Variants in CRYM observed in about 807,000 individuals in gnomAD.
CRYM encodes the protein ketimine reductase mu-crystallin.
Under a neutral mutation model 32.9 loss-of-function variants are expected in CRYM, and 18 were observed. The ratio of observed to expected loss-of-function variants is 0.55; its 90% confidence interval spans 0.38 to 0.81. The LOEUF is 0.81. CRYM is among the 30% of genes least tolerant of loss of function. The probability of loss-of-function intolerance (pLI) is 0.00; values close to 1 mark genes in which losing one functional copy is unlikely to be tolerated. For synonymous variants in CRYM, 153 were observed against 152.4 expected (o/e 1.00, Z -0.03); for missense variants, 337 against 393.5 (o/e 0.86, Z 1.21).
chr16:21,300,988 C>A (rs1960906725), intron 1 of CRYM: 1 of 143,464 alleles, frequency 7.0e-6, no homozygotes, highest in African/African-American at 2.6e-5. Context: ...GCGTCCCACG[C>A]GCAGAACCGT....
intron 1 of CRYM, among the ~76,000 whole-genome samples, chr16:21,297,391 C>CT (rs1960810849): frequency 6.6e-6 from 1 of 151,768 alleles, no homozygotes; most frequent in African/African-American, 2.4e-5. Context: ...AAAACTCCAT[C>CT]TAAAAAAAAG....
At chr16:21,271,511 GAATT>G (rs1858001403) in intron 3 of CRYM, among the ~76,000 whole-genome samples, 1 of 152,092 alleles carries the variant, frequency 6.6e-6, no homozygotes, top group Non-Finnish European at 1.5e-5. Context: ...GAAATATTAG[GAATT>G]AATTTTATCT....
intron 4 of CRYM, 47 bp from the exon 5 acceptor site, chr16:21,267,784 C>T (rs762278803): frequency 3.1e-6 from 5 of 1,602,608 alleles, no homozygotes; most frequent in Admixed American, 3.3e-5. Flanking sequence ...TTTTTGGCTG[C>T]TTATGTTACA....
Position 21,269,770 on chromosome 16 carries a change from A to ACC in CRYM, c.489+18_489+19dup. On this transcript the variant is annotated intron_variant, in intron 4 of 7. Coordinates refer to ENST00000572914, the MANE Select transcript of CRYM (RefSeq NM_001376256.1). ...ACCACCCCCTTCCCTCTTCTCTCCCACCCCCACCCCTGGACTTACCTCCTT... is the reference window on the plus strand; with the variant it reads ...ACCACCCCCTTCCCTCTTCTCTCCCACCCCCCCACCCCTGGACTTACCTCCTT... 3.1e-5 allele frequency: 13 copies of ACC among 421,326 alleles called. No homozygotes were observed. The highest frequency in any genetic ancestry group is 8.9e-5 in the East Asian group (2 of 22,510). The allele number at this position is 421,326 out of a possible 1,614,324, so 26.1% of individuals were successfully genotyped here.
At chr16:21,290,379 C>T (rs1453138151) in intron 1 of CRYM, among the ~76,000 whole-genome samples, 2 of 152,132 alleles carry the variant, frequency 1.3e-5, no homozygotes, top group East Asian at 3.9e-4. Flanking sequence ...AGGTCTGCAG[C>T]TTCTCTCCTG....
At position 21,259,453 on chromosome 16, in the gene CRYM, T is replaced by C. The variant is rs948848941; in HGVS notation, c.881-608A>G. 2.6e-5 allele frequency among the ~76,000 whole-genome samples: 4 copies of C among 152,228 alleles called. No homozygotes were observed. In the South Asian group the frequency reaches 8.3e-4, roughly 32 times the overall value. On this transcript the variant is annotated intron_variant, in intron 7 of 7. Coordinates refer to ENST00000572914, the MANE Select transcript of CRYM (RefSeq NM_001376256.1). Reference sequence around the variant, plus strand: ...GGTCAGACAGTAAATCCTTTAGGCTTTGTGGGCCACAGGGTCTCTATTACA... The same window carrying C: ...GGTCAGACAGTAAATCCTTTAGGCTCTGTGGGCCACAGGGTCTCTATTACA...
At chr16:21,261,447 TAAAAAAAA>T (rs5816151) in intron 6 of CRYM, 109 bp from the exon 7 acceptor site, 110 of 596,118 alleles carry the variant, frequency 1.8e-4, no homozygotes, top group South Asian at 2.3e-4. Flanking sequence ...TAAATTTGAT[TAAAAAAAA>T]AAAAAAAAAG....
At chr16:21,264,190 A>G (rs748146283) in intron 5 of CRYM, among the ~76,000 whole-genome samples, 1 of 152,170 alleles carries the variant, frequency 6.6e-6, no homozygotes, top group Non-Finnish European at 1.5e-5. Flanking sequence ...AAAAATGTCC[A>G]TCTTGAAGGT....
upstream of CRYM, chr16:21,278,319 A>G (rs2093391912): frequency 7.9e-6 from 12 of 1,526,998 alleles, no homozygotes; most frequent in Non-Finnish European, 1.1e-5. Context: ...TGTGCCCTTT[A>G]TGAGCGCGCC....
chr16:21,276,141 G>A (rs1314708186), intron 2 of CRYM, among the ~76,000 whole-genome samples: 1 of 152,162 alleles, frequency 6.6e-6, no homozygotes, highest in African/African-American at 2.4e-5. Context: ...CACAGCGAAG[G>A]TTGAAAATTA....
At chr16:21,280,626 T>A (rs2093396437), upstream of CRYM, among the ~76,000 whole-genome samples, 1 of 152,178 alleles carries the variant, frequency 6.6e-6, no homozygotes, top group Non-Finnish European at 1.5e-5. Flanking sequence ...GGCAATACGA[T>A]AACAAATTAT....
At chr16:21,293,185 A>G (rs964720702) in intron 1 of CRYM, among the ~76,000 whole-genome samples, 1 of 152,204 alleles carries the variant, frequency 6.6e-6, no homozygotes, top group Non-Finnish European at 1.5e-5. Flanking sequence ...TAACCTGTAA[A>G]AGCTTGTGAT....
At chr16:21,268,362 C>A (rs1400623734) in intron 4 of CRYM, among the ~76,000 whole-genome samples, 2 of 152,076 alleles carry the variant, frequency 1.3e-5, no homozygotes, top group Non-Finnish European at 2.9e-5. Context: ...ATGAAAAGGC[C>A]AAGAATGGTA....
intron 3 of CRYM, 95 bp downstream of exon 3, chr16:21,275,437 A>G (rs891860127): frequency 7.0e-6 from 8 of 1,137,684 alleles, no homozygotes; most frequent in Non-Finnish European, 9.3e-6. Context: ...GGAAACCAAA[A>G]TAAGTTCCCC....
chr16:21,277,353 C>A lies in CRYM; in HGVS notation c.324+78G>T. 6.6e-7 allele frequency: 1 copy of A among 1,513,558 alleles called. No homozygotes were observed. Among genetic ancestry groups the A allele is most frequent in the African/African-American group, 1.4e-5 (1 of 73,118 alleles). The allele number at this position is 1,513,558 out of a possible 1,614,324, so 93.8% of individuals were successfully genotyped here. A position where few individuals can be genotyped will look rare whatever the true frequency, so the allele number is the denominator to read the frequency against. ...CGCGTAGTCACAATCAAGACTCCCC[C>A]TGCTGCGGAGAACTTACTTTTGAGC... On this transcript the variant is annotated intron_variant, in intron 2 of 7. Coordinates refer to ENST00000572914, the MANE Select transcript of CRYM (RefSeq NM_001376256.1). The surrounding 1 kb of genome is among the most constrained non-coding windows in gnomAD (Gnocchi z 4.2).
chr16:21,282,863 CAAT>C (rs1294833186), upstream of CRYM, among the ~76,000 whole-genome samples: 1 of 151,728 alleles, frequency 6.6e-6, no homozygotes, highest in African/African-American at 2.4e-5. Context: ...CCCAAGCCTC[CAAT>C]AATAAGTATT....
chr16:21,285,529 CT>C (rs990813663), intron 1 of CRYM, among the ~76,000 whole-genome samples: 6 of 152,192 alleles, frequency 3.9e-5, no homozygotes, highest in Non-Finnish European at 8.8e-5. Flanking sequence ...TTCCAAAGGG[CT>C]TTTTATCAGC....
upstream of CRYM, among the ~76,000 whole-genome samples, chr16:21,279,972 G>A (rs1195568936): frequency 6.6e-6 from 1 of 152,160 alleles, no homozygotes; most frequent in Non-Finnish European, 1.5e-5. Flanking sequence ...TGTTTCTTCG[G>A]TTCACCATCC....
intron 7 of CRYM, among the ~76,000 whole-genome samples, chr16:21,260,616 T>G (rs1351985626): frequency 6.6e-6 from 1 of 152,164 alleles, no homozygotes; most frequent in Non-Finnish European, 1.5e-5. Context: ...CATGTACTTC[T>G]GTTTCCTTCA....
Sources: gnomAD v4.1 joint callset for allele counts (sites outside exome capture counted in the v4.1 genomes callset) on GRCh38, gnomAD v4.1.1 for gene constraint, Gnocchi (gnomAD v3.1) non-coding constraint, MANE v1.5 for transcripts, NCBI Gene and HGNC (gene_info 2026-07-23, HGNC 2026-07-21) for gene names.